SASS6: variants seen among roughly 807,000 people sequenced by gnomAD.
SASS6 encodes the protein SAS-6 centriolar assembly protein.
Under a neutral mutation model 94.9 loss-of-function variants are expected in SASS6, and 59 were observed. The ratio of observed to expected loss-of-function variants is 0.62; its 90% confidence interval spans 0.50 to 0.77. SASS6 has a LOEUF of 0.77. Ranked by LOEUF, SASS6 falls within the 30% of genes least tolerant of loss-of-function variation. The pLI, the probability that SASS6 is intolerant of heterozygous loss-of-function variation, is 0.00. For missense variants in SASS6, 698 were observed against 734.1 expected (o/e 0.95, Z 0.57); for synonymous variants, 264 against 270.0 (o/e 0.98, Z 0.22).
chr1:100,103,962 T>C (rs1164193518), intron 13 of SASS6, among the ~76,000 whole-genome samples: 4 of 152,170 alleles, frequency 2.6e-5, no homozygotes, highest in Non-Finnish European at 5.9e-5. Flanking sequence ...TGAACAAACA[T>C]GGGTATCTCC....
At chr1:100,092,007 CAAAAAAAAAAA>C (rs34503110) in intron 14 of SASS6, among the ~76,000 whole-genome samples, 1 of 50,048 alleles carries the variant, frequency 2.0e-5, no homozygotes, top group Non-Finnish European at 3.6e-5. Context: ...GACCCTGTCT[CAAAAAAAAAAA>C]AAAAAAAAAA....
intron 15 of SASS6, among the ~76,000 whole-genome samples, chr1:100,086,383 A>C (rs1651263490): frequency 6.6e-6 from 1 of 152,174 alleles, no homozygotes; most frequent in Non-Finnish European, 1.5e-5. Flanking sequence ...TGACAAATAA[A>C]AGAACCAGAA....
In SASS6 at chr1:100,120,403, A is replaced by G; in HGVS notation, c.540T>C (p.Phe180=). 1.3e-6 allele frequency: 2 copies of G among 1,512,792 alleles called. No homozygotes were observed. The highest frequency in any genetic ancestry group is 2.3e-5 in the East Asian group (1 of 44,328). 93.7% of individuals were successfully genotyped at this position (1,512,792 alleles called of 1,614,324 possible). A position where few individuals can be genotyped will look rare whatever the true frequency, so the allele number is the denominator to read the frequency against. ...ATGAAATTTGAATTACCTTTCGTGT[A>G]AAGTCCAGTTGCTTAGTAGCATCAT... ...SLDDATKQLD[F]TRKTLAEKKQ... is the part of the protein sequence containing the mutation. The change falls in exon 6 of 17, where the codon TTT becomes TTC. Residue 180 remains phenylalanine (F), a synonymous_variant. Coordinates refer to ENST00000287482, the MANE Select transcript of SASS6 (RefSeq NM_194292.3).
chr1:100,101,184 T>C (rs962396075), intron 14 of SASS6, among the ~76,000 whole-genome samples: 2 of 152,166 alleles, frequency 1.3e-5, no homozygotes, highest in African/African-American at 4.8e-5. Context: ...TTCAGGTTGA[T>C]AGAGGCAGGT....
intron 14 of SASS6, among the ~76,000 whole-genome samples, chr1:100,102,721 G>C (rs1361028428): frequency 2.6e-5 from 4 of 151,098 alleles, no homozygotes; most frequent in Non-Finnish European, 4.4e-5. Context: ...AATAAGTGAG[G>C]TTTAAACAGA....
chr1:100,090,991 G>A (rs1188572237), intron 14 of SASS6, among the ~76,000 whole-genome samples: 2 of 152,102 alleles, frequency 1.3e-5, no homozygotes, highest in East Asian at 3.9e-4. Context: ...CAAACAGCAT[G>A]ACATGACAAA....
At position 100,083,647 on chromosome 1, in the gene SASS6, AAC is replaced by A. The variant is rs1651001905; in HGVS notation, c.*1679_*1680del. The A allele has an allele frequency of 6.6e-6, 1 of 152,092 alleles. No individual in the cohort carries two copies. The allele number at this position is 152,092 out of a possible 1,614,324, so 9.4% of individuals were successfully genotyped here. A position where few individuals can be genotyped will look rare whatever the true frequency, so the allele number is the denominator to read the frequency against. On this transcript the variant is annotated 3_prime_UTR_variant, in exon 17 of 17. Coordinates refer to ENST00000287482, the MANE Select transcript of SASS6 (RefSeq NM_194292.3). ...TTAAATGCAACACTTTTTGATTATT[AAC>A]ACATGTACAATTTTACACTGCAAAA... is the stretch of plus-strand genomic sequence containing the variant.
Position 100,119,820 on chromosome 1 carries a change from G to A in SASS6, c.549+574C>T, listed in dbSNP as rs75909123. Reference sequence around the variant, plus strand: ...GGTCCCCACTAGAAGCCAAGCAGATGTTGGTGCCATGCTTGTACAGCCTAC... The same window carrying A: ...GGTCCCCACTAGAAGCCAAGCAGATATTGGTGCCATGCTTGTACAGCCTAC... On this transcript the variant is annotated intron_variant, in intron 6 of 16. Coordinates refer to ENST00000287482, the MANE Select transcript of SASS6 (RefSeq NM_194292.3). Among the ~76,000 whole-genome samples the A allele has an allele frequency of 7.3e-3, 1,112 of 152,268 alleles. 9 individuals carry two copies. The highest frequency in any genetic ancestry group is 0.026 in the African/African-American group (1,068 of 41,542).
intron 14 of SASS6, among the ~76,000 whole-genome samples, chr1:100,094,234 A>G (rs1042678726): frequency 6.6e-6 from 1 of 152,202 alleles, no homozygotes; most frequent in Non-Finnish European, 1.5e-5. Context: ...TGAAAGTCAC[A>G]AACTATCGAA....
intron 15 of SASS6, 23 bp downstream of exon 15, chr1:100,088,116 A>T: frequency 7.4e-7 from 1 of 1,355,080 alleles, no homozygotes; most frequent in Non-Finnish European, 1.1e-6. Flanking sequence ...CAAACATTAA[A>T]TTTTATGTCA....
intron 13 of SASS6, among the ~76,000 whole-genome samples, chr1:100,104,907 C>CCCA (rs1045934164): frequency 2.0e-5 from 3 of 151,910 alleles, no homozygotes; most frequent in Admixed American, 2.0e-4. Context: ...GAGCCATGAT[C>CCCA]CCACCACTGC....
In SASS6 at chr1:100,105,829, T is replaced by C. The variant is rs1441185406; in HGVS notation, c.1483A>G (p.Thr495Ala). 6.2e-7 allele frequency: 1 copy of C among 1,612,832 alleles called. No homozygotes were observed. Among genetic ancestry groups the C allele is most frequent in the Non-Finnish European group, 8.5e-7 (1 of 1,179,132 alleles). The change falls in exon 13 of 17, where the codon ACT becomes GCT. Residue 495 changes from threonine (T) to alanine (A), a missense_variant. Transcript: ENST00000287482. ...RKQDVLGPST[T>A]PPAHSSSNTI... The stretch of plus-strand genomic sequence containing the variant: ...TTGCTGCTGGAATGTGCAGGCGGAG[T>C]AGTAGAAGGTCCCAATACATCTTGC...
rs1193115237 is a variant in SASS6 at position 100,085,356 on chromosome 1, T to C, written c.1946A>G (p.Tyr649Cys). ...PTALPSASSAYFPGQLPNS is the reference protein window; with the variant it reads ...PTALPSASSACFPGQLPNS ...ACTGTTTGGTAACTGCCCAGGGAAA[T>C]AGGCTGAAGACGCAGAGGGGAGCGC... Residue 649 changes from tyrosine to cysteine, a missense_variant, in exon 17 of 17, where the codon TAT becomes TGT. Physicochemically the swap from Tyr to Cys is radical, Grantham distance 194. Transcript: ENST00000287482. The C allele has an allele frequency of 1.4e-5, 22 of 1,612,502 alleles. No individual in the cohort carries two copies. Among genetic ancestry groups the C allele is most frequent in the Non-Finnish European group, 1.7e-5 (20 of 1,178,730 alleles).
chr1:100,097,944 A>G (rs1401466474), intron 14 of SASS6, among the ~76,000 whole-genome samples: 1 of 152,236 alleles, frequency 6.6e-6, no homozygotes, highest in Non-Finnish European at 1.5e-5. Context: ...CTAGGGCTAG[A>G]AGGAGGAGTA....
At chr1:100,112,883 G>A (rs577461268) in intron 7 of SASS6, among the ~76,000 whole-genome samples, 2 of 152,270 alleles carry the variant, frequency 1.3e-5, no homozygotes, top group African/African-American at 4.8e-5. Context: ...CCAGCAATCT[G>A]CATTCTAATG....
intron 1 of SASS6, among the ~76,000 whole-genome samples, chr1:100,131,980 G>A (rs1171513475): frequency 6.6e-6 from 1 of 151,074 alleles, no homozygotes; most frequent in Non-Finnish European, 1.5e-5. Context: ...TGTTAGAACT[G>A]AGAAAAAAAA....
chr1:100,119,886 C>T (rs889280159), intron 6 of SASS6, among the ~76,000 whole-genome samples: 6 of 152,180 alleles, frequency 3.9e-5, no homozygotes, highest in Non-Finnish European at 7.3e-5. Flanking sequence ...TTATAAATTA[C>T]CCAGCTTCAG....
chr1:100,112,107 A>C (rs1653382206), intron 7 of SASS6, among the ~76,000 whole-genome samples: 1 of 151,184 alleles, frequency 6.6e-6, no homozygotes, highest in Admixed American at 6.6e-5. Flanking sequence ...GAAAAAAAAT[A>C]ATCATTGGAA....
In SASS6 at chr1:100,089,031, G is replaced by GT. The variant is rs1651502494; in HGVS notation, c.1675-796dup. On this transcript the variant is annotated intron_variant, in intron 14 of 16. Transcript: ENST00000287482. ...AGACCAGGGACACAAATGTAATTGT[G>GT]TAAGAACTTAATGGAAATAAAAAGT... Among the ~76,000 whole-genome samples, 10 of 152,106 alleles carry GT rather than the reference G, an allele frequency of 6.6e-5. No individual in the cohort carries two copies. The South Asian group carries it at 2.1e-3, about 32-fold the overall frequency.
Sources: gnomAD v4.1 joint callset for allele counts (sites outside exome capture counted in the v4.1 genomes callset) on GRCh38, gnomAD v4.1.1 for gene constraint, MANE v1.5 for transcripts, NCBI Gene and HGNC (gene_info 2026-07-23, HGNC 2026-07-21) for gene names.